ZBTB17: variants seen among roughly 807,000 people sequenced by gnomAD.
ZBTB17 encodes zinc finger and BTB domain containing 17, also known as zinc finger and BTB domain-containing protein 17.
In ZBTB17, 24 loss-of-function variants were observed where a neutral mutation model predicts 85.1. The observed-to-expected ratio is 0.28, with a 90% CI of 0.20 to 0.40. The LOEUF (loss-of-function observed/expected upper bound fraction) is 0.40, where lower values mean the gene tolerates loss of function less well. ZBTB17 is among the 10% of genes least tolerant of loss of function. ZBTB17 has a pLI of 1.00. For missense variants in ZBTB17, 743 were observed against 1,105.1 expected (o/e 0.67, Z 4.65); for synonymous variants, 464 against 460.2 (o/e 1.01, Z -0.11).
At chr1:15,945,876 C>G in intron 5 of ZBTB17, 36 bp from the exon 6 acceptor site, 6 of 1,574,260 alleles carry the variant, frequency 3.8e-6, no homozygotes, top group Middle Eastern at 1.7e-4. Context: ...GGATTGCTAC[C>G]CTCTGCCCAG....
chr1:15,945,650 G>C (rs576877202), intron 6 of ZBTB17, 65 bp downstream of exon 6: 6 of 1,587,238 alleles, frequency 3.8e-6, no homozygotes, highest in Non-Finnish European at 5.1e-6. Flanking sequence ...GCCCCAGTGC[G>C]CAGTGGAGGC....
chr1:15,959,503 GGAGGA>G (rs2072171808), intron 2 of ZBTB17, among the ~76,000 whole-genome samples: 1 of 138,620 alleles, frequency 7.2e-6, no homozygotes, highest in Non-Finnish European at 1.6e-5. Flanking sequence ...GAAGGAAGAG[GGAGGA>G]GAGGGAGGGA....
rs940479568 is a variant in ZBTB17 at position 15,966,124 on chromosome 1, G to A, written c.-3+6915C>T. 6.6e-6 allele frequency among the ~76,000 whole-genome samples: 1 copy of A among 152,118 alleles called. No individual in the cohort carries two copies. Among genetic ancestry groups the A allele is most frequent in the Non-Finnish European group, 1.5e-5 (1 of 68,016 alleles). ...AAATCATTTGCCAAGCATTAATTTG[G>A]GCTGCTGACTGAGTCACAGTAACGG... is the stretch of plus-strand genomic sequence containing the variant. On this transcript the variant is annotated intron_variant, in intron 2 of 15. Coordinates refer to ENST00000375743, the MANE Select transcript of ZBTB17 (RefSeq NM_003443.3). The surrounding 1 kb of genome is among the most constrained non-coding windows in gnomAD (Gnocchi z 4.1).
At chr1:15,959,927 T>G (rs1423518050) in intron 2 of ZBTB17, among the ~76,000 whole-genome samples, 2 of 152,248 alleles carry the variant, frequency 1.3e-5, no homozygotes, top group East Asian at 3.9e-4. Flanking sequence ...AAATTTCTCA[T>G]GAGGGAAATG....
At chr1:15,965,727 T>G (rs1465127742) in intron 2 of ZBTB17, among the ~76,000 whole-genome samples, 3 of 152,222 alleles carry the variant, frequency 2.0e-5, no homozygotes, top group Non-Finnish European at 2.9e-5. Context: ...ATTATTCATC[T>G]GTGAAAATGA....
intron 5 of ZBTB17, 120 bp from the exon 6 acceptor site, chr1:15,945,960 C>G (rs1254382826): frequency 2.6e-6 from 4 of 1,557,630 alleles, no homozygotes; most frequent in Non-Finnish European, 3.5e-6. Context: ...CCCCAGCACA[C>G]CCCTAGCCAA....
chr1:15,974,223 A>C (rs558579515), intron 1 of ZBTB17, among the ~76,000 whole-genome samples: 2 of 150,380 alleles, frequency 1.3e-5, no homozygotes, highest in African/African-American at 2.4e-5. Context: ...AACAAAAAAA[A>C]CCTGATTCTT....
chr1:15,954,827 G>A (rs141766777), intron 2 of ZBTB17, among the ~76,000 whole-genome samples: 181 of 152,018 alleles, frequency 1.2e-3, no homozygotes, highest in African/African-American at 4.1e-3. Flanking sequence ...TCCAGCCTGG[G>A]CAATGGAGCA....
rs1557783406 is a variant in ZBTB17 at position 15,952,925 on chromosome 1, C to G, written c.-2-4428G>C. 6.6e-6 allele frequency: 1 copy of G among 152,280 alleles called. No individual in the cohort carries two copies. The highest frequency in any genetic ancestry group is 1.5e-5 in the Non-Finnish European group (1 of 68,096). The allele number at this position is 152,280 out of a possible 1,614,324, so 9.4% of individuals were successfully genotyped here. A position where few individuals can be genotyped will look rare whatever the true frequency, so the allele number is the denominator to read the frequency against. On this transcript the variant is annotated intron_variant, in intron 2 of 15. Coordinates refer to ENST00000375743, the MANE Select transcript of ZBTB17 (RefSeq NM_003443.3). This position sits in a 1 kb window ranked among gnomAD's most constrained non-coding sequence, Gnocchi z 4.3. ...ACTGACTCACCGATGACTTATGCCACTGGGTTTTGGGGTGCTGTGCTGTGC... is the reference window on the plus strand; with the variant it reads ...ACTGACTCACCGATGACTTATGCCAGTGGGTTTTGGGGTGCTGTGCTGTGC...
chr1:15,959,313 G>A (rs2072162745), intron 2 of ZBTB17, among the ~76,000 whole-genome samples: 1 of 152,148 alleles, frequency 6.6e-6, no homozygotes, highest in Non-Finnish European at 1.5e-5. Context: ...CCACATTTCT[G>A]TAGGGTATAC....
chr1:15,957,321 T>G, intron 2 of ZBTB17, among the ~76,000 whole-genome samples: 1 of 150,280 alleles, frequency 6.7e-6, no homozygotes, highest in South Asian at 2.1e-4. Flanking sequence ...GAAGAGCAGA[T>G]GCAAAAACCC....
intron 2 of ZBTB17, among the ~76,000 whole-genome samples, chr1:15,962,063 C>T (rs564627558): frequency 2.4e-4 from 37 of 151,936 alleles, no homozygotes; most frequent in African/African-American, 8.7e-4. Flanking sequence ...ATAATTTAGC[C>T]GGGTGTGGTG....
intron 2 of ZBTB17, among the ~76,000 whole-genome samples, chr1:15,965,366 C>A (rs1401246550): frequency 1.3e-5 from 2 of 152,018 alleles, no homozygotes; most frequent in East Asian, 3.8e-4. Flanking sequence ...AAAAGATGCC[C>A]AACTCAGAAC....
chr1:15,945,323 G>C, intron 6 of ZBTB17, 121 bp from the exon 7 acceptor site: 2 of 1,450,328 alleles, frequency 1.4e-6, no homozygotes, highest in East Asian at 2.5e-5. Context: ...GAAAGCCCCC[G>C]GGGGGGCCTG....
intron 2 of ZBTB17, among the ~76,000 whole-genome samples, chr1:15,972,660 G>A (rs1265426638): frequency 1.3e-5 from 2 of 152,182 alleles, no homozygotes; most frequent in Non-Finnish European, 2.9e-5. Context: ...CTAAGTTTGA[G>A]CAAGAAAAGC....
rs848199 is a variant in ZBTB17, at chr1:15,966,247, C to G, written c.-3+6792G>C. Among the ~76,000 whole-genome samples, 1 of 151,838 alleles carries G rather than the reference C, an allele frequency of 6.6e-6. No individual in the cohort carries two copies. Among genetic ancestry groups the G allele is most frequent in the African/African-American group, 2.4e-5 (1 of 41,312 alleles). ...GTGATACAGCTTCCCATGGGGCAGG[C>G]TGGCGAAATTCGAGTGGAGCCTGCC... On this transcript the variant is annotated intron_variant, in intron 2 of 15. Coordinates refer to ENST00000375743, the MANE Select transcript of ZBTB17 (RefSeq NM_003443.3). This position sits in a 1 kb window ranked among gnomAD's most constrained non-coding sequence, Gnocchi z 4.1.
chr1:15,957,307 A>G (rs1375265496), intron 2 of ZBTB17, among the ~76,000 whole-genome samples: 1 of 152,070 alleles, frequency 6.6e-6, no homozygotes, highest in Non-Finnish European at 1.5e-5. Flanking sequence ...CATCACAGAC[A>G]TGAGAAGAGC....
intron 2 of ZBTB17, among the ~76,000 whole-genome samples, chr1:15,954,913 G>C (rs970538432): frequency 1.2e-4 from 18 of 151,792 alleles, no homozygotes; most frequent in Admixed American, 1.3e-4. Context: ...CCAGCACTTT[G>C]GGAGGCCGAG....
chr1:15,975,638 C>A (rs2072845554), intron 1 of ZBTB17, among the ~76,000 whole-genome samples: 1 of 152,130 alleles, frequency 6.6e-6, no homozygotes, highest in South Asian at 2.1e-4. Flanking sequence ...CCGCAGAACG[C>A]CCACCCTCGA....
Sources: gnomAD v4.1 joint callset for allele counts (sites outside exome capture counted in the v4.1 genomes callset) on GRCh38, gnomAD v4.1.1 for gene constraint, Gnocchi (gnomAD v3.1) non-coding constraint, MANE v1.5 for transcripts, NCBI Gene and HGNC (gene_info 2026-07-23, HGNC 2026-07-21) for gene names.